Variants in LIPA observed in about 807,000 individuals in gnomAD.
LIPA encodes lysosomal acid lipase/cholesteryl ester hydrolase.
LIPA carries 26 observed loss-of-function variants against 40.6 expected under a neutral mutation model. The observed-to-expected ratio is 0.64, with a 90% CI of 0.47 to 0.89. The LOEUF is 0.89. Ranked by LOEUF, LIPA falls within the 40% of genes least tolerant of loss-of-function variation. The pLI is 0.00. For synonymous variants in LIPA, 188 were observed against 168.4 expected, an observed-to-expected ratio of 1.12 and a Z score of -0.90; for missense variants, 455 against 479.6, an observed-to-expected ratio of 0.95 and a Z score of 0.48.
At chr10:89,252,931 C>CA (rs1371040569), upstream of LIPA, among the ~76,000 whole-genome samples, 6 of 152,090 alleles carry the variant, frequency 3.9e-5, no homozygotes, top group Admixed American at 2.0e-4. Flanking sequence ...CTGGAGAAAG[C>CA]ACATTCTGGG....
At chr10:89,241,683 A>G (rs1168705190) in intron 3 of LIPA, among the ~76,000 whole-genome samples, 1 of 152,306 alleles carries the variant, frequency 6.6e-6, no homozygotes, top group East Asian at 1.9e-4. Flanking sequence ...CCACAGTTGA[A>G]AAGCCTGTTT....
In LIPA at chr10:89,274,385, C is replaced by T. The variant is rs527405993; in HGVS notation, c.-1-26736G>A. 5.9e-5 allele frequency among the ~76,000 whole-genome samples: 9 copies of T among 152,126 alleles called. No individual in the cohort carries two copies. The South Asian group carries it at 1.2e-3, about 21-fold the overall frequency. On this transcript the variant is annotated intron_variant, in intron 1 of 5. Coordinates refer to the LIPA transcript ENST00000282673. ...GATGATTAGAGAAAAAACAGATTAC[C>T]TCAATGGAGAGGAGCAGTGACGGGG...
intron 1 of LIPA, among the ~76,000 whole-genome samples, chr10:89,248,649 G>T (rs1320977914): frequency 3.5e-5 from 5 of 143,958 alleles, no homozygotes; most frequent in South Asian, 2.2e-4. Context: ...AAATTTTTTT[G>T]TATTTTTTTT....
Position 89,384,016 on chromosome 10 carries a change from G to A in LIPA, c.61+28775C>T, listed in dbSNP as rs753590815. ...GCTTCAGGATGAAGGACAGGAAGCT[G>A]AAGGAGAAAAGTACATTGAAGAAGC... On this transcript the variant is annotated intron_variant, in intron 2 of 8. Transcript: ENST00000371837. 49 of 1,614,096 alleles carry A rather than the reference G, an allele frequency of 3.0e-5. 1 individual carries two copies. In the Admixed American group the frequency reaches 7.7e-4, roughly 25 times the overall value.
chr10:89,310,443 T>C (rs1366392452), intron 1 of LIPA, among the ~76,000 whole-genome samples: 2 of 152,160 alleles, frequency 1.3e-5, no homozygotes, highest in African/African-American at 4.8e-5. Context: ...ATACGTGCAA[T>C]CAACCTTGGA....
At chr10:89,287,100 C>T (rs1298424129) in intron 1 of LIPA, among the ~76,000 whole-genome samples, 1 of 152,250 alleles carries the variant, frequency 6.6e-6, no homozygotes, top group African/African-American at 2.4e-5. Context: ...ACTCCCAGAG[C>T]CCCTGGAACT....
At chr10:89,400,454 A>C (rs893420328) in intron 2 of LIPA, among the ~76,000 whole-genome samples, 4 of 152,198 alleles carry the variant, frequency 2.6e-5, no homozygotes, top group Non-Finnish European at 5.9e-5. Context: ...TTCTTTCAGC[A>C]GTCTTATAGT....
chr10:89,413,058 C>T (rs944113657), intron 1 of LIPA: 5 of 158,228 alleles, frequency 3.2e-5, no homozygotes, highest in South Asian at 3.1e-4. Flanking sequence ...CCACTGTGTC[C>T]GTGTGTTCTC....
chr10:89,294,891 T>C (rs1843400768), intron 1 of LIPA, among the ~76,000 whole-genome samples: 1 of 151,916 alleles, frequency 6.6e-6, no homozygotes, highest in Non-Finnish European at 1.5e-5. Flanking sequence ...GGAAGATCAC[T>C]TGAGCCTGGG....
At chr10:89,260,542 G>A (rs1481771832) in intron 1 of LIPA, among the ~76,000 whole-genome samples, 1 of 152,230 alleles carries the variant, frequency 6.6e-6, no homozygotes, top group Non-Finnish European at 1.5e-5. Flanking sequence ...GCAGGGGGCA[G>A]CAGTTCCCCA....
chr10:89,355,958 G>T (rs12267943), intron 2 of LIPA, among the ~76,000 whole-genome samples: 4,621 of 152,252 alleles, frequency 0.03, 126 homozygotes, highest in African/African-American at 0.071. Context: ...CATCCCCTGT[G>T]TAGCATATAA....
intron 2 of LIPA, among the ~76,000 whole-genome samples, chr10:89,359,704 G>A (rs1844009087): frequency 6.6e-6 from 1 of 152,148 alleles, no homozygotes; most frequent in South Asian, 2.1e-4. Flanking sequence ...TTTGACAAAA[G>A]GGGAGCTCAC....
intron 1 of LIPA, chr10:89,338,371 C>A (rs1018304299): frequency 6.5e-6 from 2 of 307,162 alleles, no homozygotes; most frequent in Admixed American, 4.6e-5. Context: ...CTAGCTCAAG[C>A]AGTCGGTCAG....
intron 2 of LIPA, chr10:89,403,116 AC>A: frequency 6.2e-7 from 1 of 1,614,170 alleles, no homozygotes; most frequent in Non-Finnish European, 8.5e-7. Context: ...CTTGCAGGAA[AC>A]ACCCACTTCT....
chr10:89,412,658 C>T (rs747802762), intron 2 of LIPA: 31 of 370,148 alleles, frequency 8.4e-5, no homozygotes, highest in South Asian at 4.4e-4. Flanking sequence ...TACGGCTTTA[C>T]TCCTGAAGTC....
chr10:89,249,137 T>C (rs368214453), intron 1 of LIPA, among the ~76,000 whole-genome samples: 2 of 152,314 alleles, frequency 1.3e-5, no homozygotes, highest in African/African-American at 4.8e-5. Context: ...AAATTTGTCA[T>C]TCATGGGAAA....
chr10:89,291,552 A>AT (rs578076947), intron 1 of LIPA, among the ~76,000 whole-genome samples: 254 of 151,088 alleles, frequency 1.7e-3, no homozygotes, highest in African/African-American at 4.9e-3. Context: ...TAGCCTTTTG[A>AT]TTTTTTTTTT....
chr10:89,260,756 C>A (rs1431878198), intron 1 of LIPA, among the ~76,000 whole-genome samples: 1 of 152,172 alleles, frequency 6.6e-6, no homozygotes, highest in African/African-American at 2.4e-5. Context: ...ACATACAGGG[C>A]AGACTGCTCT....
chr10:89,270,247 C>T (rs759402040), intron 1 of LIPA, among the ~76,000 whole-genome samples: 2 of 152,194 alleles, frequency 1.3e-5, no homozygotes, highest in Non-Finnish European at 1.5e-5. Context: ...CAGAAATCCA[C>T]CTTCATTGTC....
Sources: gnomAD v4.1 joint callset for allele counts (sites outside exome capture counted in the v4.1 genomes callset) on GRCh38, gnomAD v4.1.1 for gene constraint, MANE v1.5 for transcripts, NCBI Gene and HGNC (gene_info 2026-07-23, HGNC 2026-07-21) for gene names.